CDC7: variants seen among roughly 807,000 people sequenced by gnomAD.
The protein encoded by CDC7 is cell division cycle 7, also known as cell division cycle 7-related protein kinase.
A neutral mutation model predicts 53.5 loss-of-function variants in CDC7; 34 were observed. That is an observed-to-expected ratio of 0.64 (90% confidence interval 0.48 to 0.85). The LOEUF (loss-of-function observed/expected upper bound fraction) is 0.85. CDC7 is among the 40% of genes least tolerant of loss of function. The probability of loss-of-function intolerance (pLI) is 0.00; values close to 1 mark genes in which losing one functional copy is unlikely to be tolerated. For synonymous variants in CDC7, 211 were observed against 222.8 expected (o/e 0.95, Z 0.47); for missense variants, 594 against 679.7 (o/e 0.87, Z 1.40).
chr1:91,505,254 G>C (rs752620349), intron 2 of CDC7, among the ~76,000 whole-genome samples: 1 of 152,124 alleles, frequency 6.6e-6, no homozygotes, highest in Non-Finnish European at 1.5e-5. Context: ...AGGTCATTGT[G>C]GCTAGAATGG....
Position 91,511,594 on chromosome 1 carries a change from T to G in CDC7, c.336-3T>G. On this transcript the variant is annotated splice_region_variant and splice_polypyrimidine_tract_variant and intron_variant, in intron 4 of 11. Transcript: ENST00000234626. Reference sequence around the variant, plus strand: ...AAAAGTTCCTTGTGCATTTTTCCACTAGGGGGCAAGATAATGTCATGGGAG... The same window carrying G: ...AAAAGTTCCTTGTGCATTTTTCCACGAGGGGGCAAGATAATGTCATGGGAG... The G allele has an allele frequency of 6.4e-7, 1 of 1,572,322 alleles. No individual in the cohort carries two copies.
intron 11 of CDC7, 129 bp from the exon 12 acceptor site, chr1:91,523,912 G>C (rs943420357): frequency 8.0e-6 from 5 of 625,770 alleles, no homozygotes; most frequent in African/African-American, 5.5e-5. Context: ...GTGTGTGTGT[G>C]TGTGTGTGTG....
At chr1:91,512,749 C>T (rs1207621901) in intron 6 of CDC7, among the ~76,000 whole-genome samples, 1 of 151,828 alleles carries the variant, frequency 6.6e-6, no homozygotes, top group African/African-American at 2.4e-5. Context: ...GCTATGATGC[C>T]ATCTCTGCCA....
intron 2 of CDC7, among the ~76,000 whole-genome samples, chr1:91,503,276 T>C (rs1280300624): frequency 6.6e-6 from 1 of 152,228 alleles, no homozygotes; most frequent in Non-Finnish European, 1.5e-5. Context: ...TGATAAATTA[T>C]AAAACGTGCT....
rs761759005 is a variant in CDC7, at chr1:91,524,056, G to T, written c.1346G>T (p.Cys449Phe). The T allele has an allele frequency of 1.6e-5, 25 of 1,594,836 alleles. No individual in the cohort carries two copies. The highest frequency in any genetic ancestry group is 2.0e-5 in the Non-Finnish European group (23 of 1,171,634). The change falls in exon 12 of 12, where the codon TGT becomes TTT. Residue 449 changes from cysteine (C) to phenylalanine (F), a missense_variant. By Grantham distance (205) the Cys-to-Phe change is radical. Coordinates refer to ENST00000234626, the MANE Select transcript of CDC7 (RefSeq NM_003503.4). ...AAKTFGKSIL[C>F]SKEVPAQDLR... ...TTGCTTTTAGGGAAATCAATATTAT[G>T]TAGCAAAGAAGTTCCAGCACAAGAC...
intron 11 of CDC7, 36 bp downstream of exon 11, chr1:91,520,315 C>A (rs1273513534): frequency 2.7e-6 from 4 of 1,462,512 alleles, no homozygotes; most frequent in Non-Finnish European, 3.7e-6. Flanking sequence ...AAACAAAATG[C>A]CTTTGATTAT....
At chr1:91,503,317 TATG>T (rs1666803566) in intron 2 of CDC7, among the ~76,000 whole-genome samples, 1 of 152,236 alleles carries the variant, frequency 6.6e-6, no homozygotes, top group South Asian at 2.1e-4. Context: ...CTTTTTTAAA[TATG>T]ATCTTAATAA....
At chr1:91,517,057 C>T (rs771269284) in intron 10 of CDC7, among the ~76,000 whole-genome samples, 7 of 151,574 alleles carry the variant, frequency 4.6e-5, no homozygotes, top group East Asian at 1.9e-4. Context: ...AGCAAGACTT[C>T]ATCTCAAAAA....
At chr1:91,512,982 A>G in intron 6 of CDC7, 76 bp from the exon 7 acceptor site, 1 of 1,161,758 alleles carries the variant, frequency 8.6e-7, no homozygotes. Context: ...TTTTATGAGG[A>G]TGGTTTGAGA....
intron 4 of CDC7, 139 bp downstream of exon 4, chr1:91,508,536 C>T: frequency 1.6e-6 from 1 of 610,006 alleles, no homozygotes; most frequent in Non-Finnish European, 2.8e-6. Flanking sequence ...CTAGCACTTT[C>T]CTTCTAACCT....
In CDC7 at chr1:91,511,774, G is replaced by A. The variant is rs1207955634; in HGVS notation, c.430-7G>A. 3 of 1,547,920 alleles carry A rather than the reference G, an allele frequency of 1.9e-6. No homozygotes were observed. The highest frequency in any genetic ancestry group is 2.3e-5 in the South Asian group (2 of 88,710). On this transcript the variant is annotated splice_region_variant and splice_polypyrimidine_tract_variant and intron_variant, in intron 5 of 11. Transcript: ENST00000234626. ...TGTAACTCATTTCATTTGTAACTTT[G>A]TTTTAGGACATTCTGAATTCTCTTT...
chr1:91,511,986 C>T, intron 6 of CDC7, 63 bp downstream of exon 6: 1 of 1,238,822 alleles, frequency 8.1e-7, no homozygotes, highest in Non-Finnish European at 1.1e-6. Flanking sequence ...ATTTTATTGT[C>T]TATATTTAAG....
In CDC7 at chr1:91,500,862, G is replaced by C. The variant is rs1666613892; in HGVS notation, c.-150G>C. 6.6e-6 allele frequency: 1 copy of C among 152,278 alleles called. No homozygotes were observed. The highest frequency in any genetic ancestry group is 2.4e-5 in the African/African-American group (1 of 41,468). 9.4% of individuals were successfully genotyped at this position (152,278 alleles called of 1,614,324 possible). A position where few individuals can be genotyped will look rare whatever the true frequency, so the allele number is the denominator to read the frequency against. ...CGGCGGCGGGAAGTGTTGCGCAGGCGCATCCGATCGACTCGGTAGGTGGGG... is the reference window on the plus strand; with the variant it reads ...CGGCGGCGGGAAGTGTTGCGCAGGCCCATCCGATCGACTCGGTAGGTGGGG... On this transcript the variant is annotated 5_prime_UTR_variant, in exon 1 of 12. Transcript: ENST00000234626.
At chr1:91,509,917 C>G (rs12046667) in intron 4 of CDC7, among the ~76,000 whole-genome samples, 43,378 of 152,040 alleles carry the variant, frequency 0.29, 6,427 homozygotes, top group East Asian at 0.48. Context: ...GCTTGCTGAC[C>G]CTTCATCTTC....
intron 10 of CDC7, among the ~76,000 whole-genome samples, chr1:91,518,238 A>AGTC (rs1403495646): frequency 6.6e-6 from 1 of 152,020 alleles, no homozygotes; most frequent in Non-Finnish European, 1.5e-5. Context: ...AAGTTGAGCT[A>AGTC]GTCGTAATCT....
chr1:91,502,982 AAC>A (rs1666782314), intron 2 of CDC7, among the ~76,000 whole-genome samples: 1 of 152,162 alleles, frequency 6.6e-6, no homozygotes, highest in Non-Finnish European at 1.5e-5. Context: ...ATAACACAGT[AAC>A]ACAGTCATTG....
chr1:91,507,074 C>T (rs558242531), intron 2 of CDC7, among the ~76,000 whole-genome samples: 1 of 152,180 alleles, frequency 6.6e-6, no homozygotes, highest in East Asian at 1.9e-4. Flanking sequence ...TCCTGCTCTG[C>T]CAAGTTCACA....
Position 91,511,909 on chromosome 1 carries a change from T to C in CDC7, c.558T>C (p.Asn186=). 2 of 1,582,476 alleles carry C rather than the reference T, an allele frequency of 1.3e-6. No individual in the cohort carries two copies. Among genetic ancestry groups the C allele is most frequent in the South Asian group, 1.2e-5 (1 of 86,248 alleles). The change falls in exon 6 of 12, where the codon AAT becomes AAC. Residue 186 remains asparagine, a synonymous_variant. Coordinates refer to ENST00000234626, the MANE Select transcript of CDC7 (RefSeq NM_003503.4). ...RDVKPSNFLY[N]RRLKKYALVD... The stretch of plus-strand genomic sequence containing the variant: ...TTAAGCCCAGCAATTTTTTATATAA[T>C]AGGCGCCTGAAAAAGTAAGTATGAA...
chr1:91,508,956 C>G (rs1667125824), intron 4 of CDC7, among the ~76,000 whole-genome samples: 1 of 152,124 alleles, frequency 6.6e-6, no homozygotes, highest in Non-Finnish European at 1.5e-5. Context: ...TCACTAAATA[C>G]CTATTGCGGC....
Sources: allele counts gnomAD v4.1 joint callset (sites outside exome capture counted in the v4.1 genomes callset), GRCh38; gene constraint gnomAD v4.1.1; transcripts MANE v1.5; gene names NCBI Gene and HGNC (gene_info 2026-07-23, HGNC 2026-07-21).